The following TBL1X variants were observed in gnomAD, a reference collection of about 807,000 sequenced individuals.
TBL1X encodes the protein F-box-like/WD repeat-containing protein TBL1X.
A neutral mutation model predicts 50.7 loss-of-function variants in TBL1X; 10 were observed. The ratio of observed to expected loss-of-function variants is 0.20; its 90% CI spans 0.12 to 0.33. The LOEUF (loss-of-function observed/expected upper bound fraction) is 0.33. Among genes scored for constraint, TBL1X ranks in the 10% least tolerant of loss-of-function variants. TBL1X has a pLI of 1.00. For missense variants in TBL1X, 340 were observed against 504.4 expected (o/e 0.67, Z 3.12); for synonymous variants, 190 against 214.7 (o/e 0.88, Z 1.01).
rs759699146 is a variant in TBL1X at position 9,653,825 on chromosome X, T to A, written c.103+136T>A. ...TTGAATCCCTCCACGTCTGCCTGAG[T>A]GCACTTTGGGATTCCATTCCTGCCG... On this transcript the variant is annotated intron_variant, in intron 4 of 17. Transcript: ENST00000645353. The A allele has an allele frequency of 4.2e-4, 238 of 568,831 alleles. 1 individual carries two copies. Among genetic ancestry groups the A allele is most frequent in the Non-Finnish European group, 5.5e-4 (200 of 363,511 alleles). 46.9% of individuals were successfully genotyped at this position (568,831 alleles called of 1,213,427 possible).
At chrX:9,691,380 G>A (rs1569100428) in intron 7 of TBL1X, among the ~76,000 whole-genome samples, 199 bp from the exon 8 acceptor site, 3 of 103,527 alleles carry the variant, frequency 2.9e-5, no homozygotes, top group Non-Finnish European at 5.9e-5. Flanking sequence ...AGGTTGCAGT[G>A]AGCCGAGGTC....
intron 2 of TBL1X, among the ~76,000 whole-genome samples, chrX:9,612,556 C>A (rs73632609): frequency 8.9e-6 from 1 of 111,847 alleles, no homozygotes; most frequent in Non-Finnish European, 1.9e-5. Flanking sequence ...TTTAACCCAA[C>A]GTATCCAAAA....
intron 1 of TBL1X, among the ~76,000 whole-genome samples, chrX:9,490,303 T>G (rs777652259): frequency 8.9e-5 from 10 of 111,763 alleles, no homozygotes; most frequent in African/African-American, 3.3e-4. Context: ...CTTCCTTGAT[T>G]CCATCTTAGA....
chrX:9,606,549 G>T (rs192529168), intron 2 of TBL1X, among the ~76,000 whole-genome samples: 2 of 110,771 alleles, frequency 1.8e-5, no homozygotes, highest in African/African-American at 6.6e-5. Context: ...GTGTGGTGGC[G>T]CATGGCTGTA....
At chrX:9,613,713 C>T (rs1359285284) in intron 2 of TBL1X, among the ~76,000 whole-genome samples, 3 of 111,002 alleles carry the variant, frequency 2.7e-5, no homozygotes, top group Non-Finnish European at 3.8e-5. Context: ...AGGCTGGGCG[C>T]GGTGGCTCAC....
At chrX:9,494,120 T>G (rs2081960475) in intron 1 of TBL1X, among the ~76,000 whole-genome samples, 1 of 111,840 alleles carries the variant, frequency 8.9e-6, no homozygotes, top group Non-Finnish European at 1.9e-5. Context: ...TGTGGTGCGG[T>G]CCAGTGGCTA....
In TBL1X at chrX:9,506,762, C is replaced by A. The variant is rs778305199; in HGVS notation, c.-131+4913C>A. Among the ~76,000 whole-genome samples the A allele has an allele frequency of 1.6e-3, 181 of 111,805 alleles. 1 individual carries two copies. Among genetic ancestry groups the A allele is most frequent in the Middle Eastern group, 0.014 (3 of 215 alleles). ...GAAGAAGTTGAATCTCTGAATAGAC[C>A]AATAAGCTCTGAAATTGAGGCAGTA... On this transcript the variant is annotated intron_variant, in intron 2 of 17. Transcript: ENST00000645353.
At chrX:9,672,742 C>T (rs1191922573) in intron 5 of TBL1X, among the ~76,000 whole-genome samples, 2 of 111,873 alleles carry the variant, frequency 1.8e-5, no homozygotes, top group African/African-American at 6.5e-5. Context: ...TGACACTTCA[C>T]GAGCACTCTT....
chrX:9,669,397 T>C (rs2082948108), intron 5 of TBL1X, among the ~76,000 whole-genome samples: 1 of 111,529 alleles, frequency 9.0e-6, no homozygotes, highest in Non-Finnish European at 1.9e-5. Flanking sequence ...TGGGATGATA[T>C]ATGTAAAATG....
intron 3 of TBL1X, among the ~76,000 whole-genome samples, chrX:9,642,663 G>A (rs2082781922): frequency 8.9e-6 from 1 of 112,217 alleles, no homozygotes; most frequent in Non-Finnish European, 1.9e-5. Flanking sequence ...AAAATCTGTG[G>A]TAGAGCAGGA....
chrX:9,515,759 T>TC (rs1167930006), intron 2 of TBL1X, among the ~76,000 whole-genome samples: 1 of 112,035 alleles, frequency 8.9e-6, no homozygotes, highest in African/African-American at 3.2e-5. Context: ...AAGGAGCCTG[T>TC]CCAACATTTA....
intron 5 of TBL1X, among the ~76,000 whole-genome samples, chrX:9,654,710 C>A (rs747135276): frequency 9.0e-6 from 1 of 111,625 alleles, no homozygotes; most frequent in African/African-American, 3.3e-5. Flanking sequence ...CTACTCCCCG[C>A]CCCCTAAATG....
intron 2 of TBL1X, among the ~76,000 whole-genome samples, chrX:9,515,125 A>G (rs950994113): frequency 2.7e-5 from 3 of 111,376 alleles, no homozygotes; most frequent in African/African-American, 9.8e-5. Flanking sequence ...TGGAGGGGGG[A>G]AAAATAACAC....
intron 1 of TBL1X, among the ~76,000 whole-genome samples, chrX:9,499,284 A>G (rs1273532916): frequency 2.7e-5 from 3 of 111,774 alleles, no homozygotes; most frequent in Admixed American, 9.5e-5. Flanking sequence ...ACCCCTGTCC[A>G]TTGCAGAGTC....
chrX:9,623,407 C>T (rs187765196), intron 2 of TBL1X, among the ~76,000 whole-genome samples: 91 of 111,489 alleles, frequency 8.2e-4, no homozygotes, highest in African/African-American at 3.0e-3. Flanking sequence ...AATTTGCAGG[C>T]CTGGCATGGT....
chrX:9,653,112 C>T (rs749495675), intron 3 of TBL1X, among the ~76,000 whole-genome samples: 35 of 112,820 alleles, frequency 3.1e-4, no homozygotes, highest in Admixed American at 2.1e-3. Flanking sequence ...ATGCAGTGAG[C>T]TGAGATCGCA....
At chrX:9,638,897 TG>T (rs1434337506) in intron 2 of TBL1X, among the ~76,000 whole-genome samples, 1 of 111,406 alleles carries the variant, frequency 9.0e-6, no homozygotes, top group Non-Finnish European at 1.9e-5. Context: ...AGTATTGTCC[TG>T]TTTCATCCCC....
intron 2 of TBL1X, among the ~76,000 whole-genome samples, chrX:9,580,170 A>G (rs1025994382): frequency 9.0e-6 from 1 of 111,262 alleles, no homozygotes; most frequent in Non-Finnish European, 1.9e-5. Flanking sequence ...TTATATGTGA[A>G]CCCCCAAAAT....
chrX:9,674,682 C>T (rs61130351), intron 5 of TBL1X, among the ~76,000 whole-genome samples: 1 of 7,413 alleles, frequency 1.3e-4, no homozygotes, highest in African/African-American at 2.8e-4. Context: ...CCGCCTCAGC[C>T]CCCCCCCCCC....
Sources: gnomAD v4.1 joint callset for allele counts (sites outside exome capture counted in the v4.1 genomes callset) on GRCh38, gnomAD v4.1.1 for gene constraint, MANE v1.5 for transcripts, NCBI Gene and HGNC (gene_info 2026-07-23, HGNC 2026-07-21) for gene names.